Variants in SLC25A26 observed in about 807,000 individuals in gnomAD.
SLC25A26 encodes the protein mitochondrial S-adenosylmethionine carrier protein.
SLC25A26 carries 36 observed loss-of-function variants against 37.8 expected under a neutral mutation model. That is an observed-to-expected ratio of 0.95 (90% CI 0.73 to 1.26). SLC25A26 has a LOEUF of 1.26. Among genes scored for constraint, SLC25A26 ranks in the 50% most tolerant of loss-of-function variants. The pLI, the probability that SLC25A26 is intolerant of heterozygous loss-of-function variation, is 0.00. For missense variants in SLC25A26, 390 were observed against 331.1 expected (o/e 1.18, Z -1.38); for synonymous variants, 129 against 122.5 (o/e 1.05, Z -0.35).
rs143779339 is a variant in SLC25A26, at chr3:66,222,057, G to A, written c.33+930G>A. ...TAAATAACAGGTGGGCTAGGTTCAG[G>A]GTGTTAGGGGAATATATGGAAGTAG... is the stretch of plus-strand genomic sequence containing the variant. On this transcript the variant is annotated intron_variant, in intron 1 of 9. Coordinates refer to ENST00000354883, the MANE Select transcript of SLC25A26 (RefSeq NM_001379210.1). Among the ~76,000 whole-genome samples, 491 of 152,160 alleles carry A rather than the reference G, an allele frequency of 3.2e-3. 2 individuals carry two copies. Among genetic ancestry groups the A allele is most frequent in the African/African-American group, 0.012 (480 of 41,492 alleles).
intron 1 of SLC25A26, among the ~76,000 whole-genome samples, chr3:66,134,725 T>C (rs1337680430): frequency 6.6e-6 from 1 of 152,222 alleles, no homozygotes; most frequent in African/African-American, 2.4e-5. Flanking sequence ...TTGGAAATGT[T>C]TTGCCATCAA....
intron 5 of SLC25A26, among the ~76,000 whole-genome samples, chr3:66,315,080 A>ATTT (rs58312800): frequency 2.0e-3 from 239 of 119,308 alleles, no homozygotes; most frequent in African/African-American, 6.5e-3. Context: ...GGATTCTTTG[A>ATTT]TTTTTTTTTT....
chr3:66,188,191 T>G (rs2070867214), intron 1 of SLC25A26, among the ~76,000 whole-genome samples: 1 of 152,154 alleles, frequency 6.6e-6, no homozygotes, highest in South Asian at 2.1e-4. Flanking sequence ...TGTCCCTACC[T>G]TCATCCTGAC....
intron 1 of SLC25A26, among the ~76,000 whole-genome samples, chr3:66,197,852 A>G (rs2071065306): frequency 6.6e-6 from 1 of 152,114 alleles, no homozygotes; most frequent in Non-Finnish European, 1.5e-5. Context: ...TGACAATAAA[A>G]TTCAGGGAGA....
chr3:66,253,401 C>CAA (rs782156766), intron 3 of SLC25A26, among the ~76,000 whole-genome samples: 2 of 100,788 alleles, frequency 2.0e-5, no homozygotes, highest in East Asian at 2.8e-4. Context: ...GACTCCATCT[C>CAA]AAAAAAAAAA....
At chr3:66,162,104 A>C (rs903254866) in intron 1 of SLC25A26, among the ~76,000 whole-genome samples, 5 of 152,116 alleles carry the variant, frequency 3.3e-5, no homozygotes, top group Admixed American at 6.5e-5. Flanking sequence ...GGTTTCTCCT[A>C]AGGCCTCTTA....
intron 5 of SLC25A26, among the ~76,000 whole-genome samples, chr3:66,305,636 C>G (rs1217110891): frequency 6.6e-6 from 1 of 151,972 alleles, no homozygotes; most frequent in Non-Finnish European, 1.5e-5. Context: ...GTGAAAGGCC[C>G]CAGAGTGTGT....
At chr3:66,336,753 ACTTTAAAAATTGTGGTGTG>A (rs1364247917) in intron 5 of SLC25A26, among the ~76,000 whole-genome samples, 1 of 152,288 alleles carries the variant, frequency 6.6e-6, no homozygotes, top group East Asian at 1.9e-4. Context: ...CCGAGTGACA[ACTTTAAAAATTGTGGTGTG>A]ATACAGAGTT....
chr3:66,359,236 A>T (rs956020993), intron 6 of SLC25A26, among the ~76,000 whole-genome samples: 1 of 152,072 alleles, frequency 6.6e-6, no homozygotes, highest in Non-Finnish European at 1.5e-5. Flanking sequence ...TATAACAGGC[A>T]CCTCTGTGAA....
At chr3:66,294,864 A>G (rs1169874952) in intron 5 of SLC25A26, among the ~76,000 whole-genome samples, 2 of 152,210 alleles carry the variant, frequency 1.3e-5, no homozygotes, top group Non-Finnish European at 2.9e-5. Flanking sequence ...TGTGGACAGT[A>G]AAGAATCCAC....
At chr3:66,304,290 A>T (rs1025437465) in intron 5 of SLC25A26, among the ~76,000 whole-genome samples, 2 of 152,150 alleles carry the variant, frequency 1.3e-5, no homozygotes, top group Admixed American at 1.3e-4. Context: ...TACATCAGGG[A>T]GTGGGAATCT....
chr3:66,197,677 G>A (rs1437881199), intron 1 of SLC25A26, among the ~76,000 whole-genome samples: 1 of 152,078 alleles, frequency 6.6e-6, no homozygotes, highest in Non-Finnish European at 1.5e-5. Context: ...GGGGTCAGAG[G>A]TGGGTGAGTT....
At chr3:66,232,470 CAT>C (rs2072080898) in intron 1 of SLC25A26, among the ~76,000 whole-genome samples, 1 of 152,128 alleles carries the variant, frequency 6.6e-6, no homozygotes, top group Admixed American at 6.5e-5. Flanking sequence ...GTGCTGGAAA[CAT>C]ATTAGTAAAC....
chr3:66,222,528 A>G (rs2071550448), intron 1 of SLC25A26, among the ~76,000 whole-genome samples: 1 of 152,362 alleles, frequency 6.6e-6, no homozygotes, highest in South Asian at 2.1e-4. Flanking sequence ...GTGACACAGC[A>G]GCAGTAGTTT....
intron 3 of SLC25A26, among the ~76,000 whole-genome samples, chr3:66,252,345 C>T (rs2073118081): frequency 6.6e-6 from 1 of 152,020 alleles, no homozygotes; most frequent in South Asian, 2.1e-4. Flanking sequence ...AATTTGATCC[C>T]CGTTTTTGAG....
chr3:66,146,916 A>G (rs1469558352), intron 1 of SLC25A26, among the ~76,000 whole-genome samples: 2 of 152,100 alleles, frequency 1.3e-5, no homozygotes, highest in Non-Finnish European at 2.9e-5. Context: ...ATAAGTGAGA[A>G]CATACAGTAT....
intron 1 of SLC25A26, among the ~76,000 whole-genome samples, chr3:66,157,399 A>T (rs138278671): frequency 2.0e-5 from 3 of 152,026 alleles, no homozygotes; most frequent in Admixed American, 6.5e-5. Context: ...AGACCAGTCT[A>T]GGCAACACAG....
intron 5 of SLC25A26, among the ~76,000 whole-genome samples, chr3:66,312,815 C>T (rs1483124111): frequency 6.6e-6 from 1 of 152,170 alleles, no homozygotes; most frequent in East Asian, 1.9e-4. Context: ...TCTGCTTGCC[C>T]ACTGTGGGCT....
intron 1 of SLC25A26, among the ~76,000 whole-genome samples, chr3:66,232,630 T>G (rs968414662): frequency 1.3e-5 from 2 of 152,136 alleles, no homozygotes; most frequent in African/African-American, 4.8e-5. Context: ...TACAAACTCC[T>G]TGAAATGAGG....
Sources: allele counts gnomAD v4.1 joint callset (sites outside exome capture counted in the v4.1 genomes callset), GRCh38; gene constraint gnomAD v4.1.1; transcripts MANE v1.5; gene names NCBI Gene and HGNC (gene_info 2026-07-23, HGNC 2026-07-21).